The following TEK variants were observed in gnomAD, a reference collection of about 807,000 sequenced individuals.
TEK encodes TEK receptor tyrosine kinase, also known as angiopoietin-1 receptor.
A neutral mutation model predicts 131.8 loss-of-function variants in TEK; 43 were observed. The ratio of observed to expected loss-of-function variants is 0.33; its 90% confidence interval spans 0.26 to 0.42. The LOEUF (loss-of-function observed/expected upper bound fraction) is 0.42. Ranked by LOEUF, TEK falls within the 10% of genes least tolerant of loss-of-function variation. TEK has a pLI of 1.00. For synonymous variants in TEK, 580 were observed against 491.6 expected (o/e 1.18, Z -2.38); for missense variants, 1,162 against 1,384.4 (o/e 0.84, Z 2.55).
At chr9:27,186,950 T>G (rs763054379) in intron 9 of TEK, among the ~76,000 whole-genome samples, 7 of 152,194 alleles carry the variant, frequency 4.6e-5, no homozygotes, top group African/African-American at 1.7e-4. Context: ...CTTTTGGTTA[T>G]AGGAAAGAGC....
intron 2 of TEK, among the ~76,000 whole-genome samples, chr9:27,158,677 G>GGT (rs1823432531): frequency 7.0e-6 from 1 of 142,838 alleles, no homozygotes; most frequent in Non-Finnish European, 1.5e-5. Flanking sequence ...TTTTTTTTTG[G>GGT]GGGGGTGGAG....
intron 1 of TEK, among the ~76,000 whole-genome samples, chr9:27,125,533 TA>T (rs1821955232): frequency 6.6e-6 from 1 of 152,162 alleles, no homozygotes; most frequent in African/African-American, 2.4e-5. Context: ...CTTTTCACCT[TA>T]TGCCCAGGCA....
In TEK at chr9:27,172,578, C is replaced by T. The variant is rs77699587; in HGVS notation, c.629-38C>T. The T allele has an allele frequency of 2.0e-3, 3,251 of 1,611,330 alleles. 51 individuals are homozygous for T. The African/African-American group carries it at 0.037, about 18-fold the overall frequency. On this transcript the variant is annotated intron_variant, in intron 4 of 22. Coordinates refer to ENST00000380036, the MANE Select transcript of TEK (RefSeq NM_000459.5). ...TCAATAAAGATGTGTTGAGCGAATG[C>T]GCTCTACTCACCACAGCCTTGTTTT... is the stretch of plus-strand genomic sequence containing the variant.
rs2273719 is a variant in TEK at position 27,220,068 on chromosome 9, G to T, written c.3123G>T (p.Gly1041=). ...TTCCAGGAGGCACACCCTACTGCGG[G>T]ATGACTTGTGCAGAACTCTACGAGA... The part of the protein sequence containing the change: ...IVSLGGTPYC[G]MTCAELYEKL... Residue 1041 remains glycine (G), a synonymous_variant, in exon 21 of 23, where the codon GGG becomes GGT. Transcript: ENST00000380036. 6.2e-7 allele frequency: 1 copy of T among 1,613,834 alleles called. No individual in the cohort carries two copies. The highest frequency in any genetic ancestry group is 1.1e-5 in the South Asian group (1 of 91,076).
At chr9:27,159,752 G>T (rs1201295826) in intron 2 of TEK, among the ~76,000 whole-genome samples, 3 of 152,132 alleles carry the variant, frequency 2.0e-5, no homozygotes, top group African/African-American at 7.2e-5. Context: ...GTATTATAAG[G>T]TTCCAGTCCT....
chr9:27,222,736 C>G lies in TEK; in HGVS notation c.3200+2591C>G, dbSNP rs567976343. On this transcript the variant is annotated intron_variant, in intron 21 of 22. Transcript: ENST00000380036. Reference sequence around the variant, plus strand: ...AGCACTCAACATGGAAAGGAAAACCCGGTACCAGCCACTGCAAGAACATAC... The same window carrying G: ...AGCACTCAACATGGAAAGGAAAACCGGGTACCAGCCACTGCAAGAACATAC... Among the ~76,000 whole-genome samples, 107 of 152,236 alleles carry G rather than the reference C, an allele frequency of 7.0e-4. 2 individuals are homozygous for G. The South Asian group carries it at 0.012, about 17-fold the overall frequency.
chr9:27,155,779 A>G (rs993875308), intron 1 of TEK, among the ~76,000 whole-genome samples: 1 of 149,790 alleles, frequency 6.7e-6, no homozygotes, highest in Non-Finnish European at 1.5e-5. Flanking sequence ...ACAGTTAAAT[A>G]TGGGCAAGGA....
At chr9:27,139,455 G>A (rs1482690873) in intron 1 of TEK, among the ~76,000 whole-genome samples, 1 of 149,844 alleles carries the variant, frequency 6.7e-6, no homozygotes, top group East Asian at 2.0e-4. Context: ...CTCCCGAGTA[G>A]CTGGGATTAC....
At chr9:27,144,009 C>T (rs910673533) in intron 1 of TEK, among the ~76,000 whole-genome samples, 14 of 152,150 alleles carry the variant, frequency 9.2e-5, no homozygotes, top group African/African-American at 2.9e-4. Flanking sequence ...AGAGGTTGGG[C>T]GCGGTGGCTT....
At chr9:27,221,802 G>T (rs574080003) in intron 21 of TEK, among the ~76,000 whole-genome samples, 1 of 152,162 alleles carries the variant, frequency 6.6e-6, no homozygotes, top group Non-Finnish European at 1.5e-5. Flanking sequence ...GTGCAAAACC[G>T]CTGAAAATTC....
chr9:27,133,843 G>A (rs1297950348), intron 1 of TEK, among the ~76,000 whole-genome samples: 1 of 152,150 alleles, frequency 6.6e-6, no homozygotes, highest in Non-Finnish European at 1.5e-5. Context: ...TTGGTAAAAC[G>A]ATGCCTCTGC....
At chr9:27,191,956 A>C (rs1824839133) in intron 10 of TEK, 2 of 455,740 alleles carry the variant, frequency 4.4e-6, no homozygotes, top group Non-Finnish European at 8.8e-6. Context: ...AGGCTGACTA[A>C]AGCAAATAGG....
intron 3 of TEK, among the ~76,000 whole-genome samples, chr9:27,168,924 G>A (rs1295605730): frequency 1.3e-5 from 2 of 152,180 alleles, no homozygotes; most frequent in Admixed American, 6.5e-5. Flanking sequence ...TGATTGCAAG[G>A]TTTAGGAAAT....
intron 16 of TEK, among the ~76,000 whole-genome samples, chr9:27,209,681 T>C (rs1048726282): frequency 1.3e-5 from 2 of 152,240 alleles, no homozygotes; most frequent in African/African-American, 4.8e-5. Context: ...GATGGTTGGA[T>C]TTTAAAAATA....
At chr9:27,157,732 C>T (rs1048511747) in intron 1 of TEK, 99 bp from the exon 2 acceptor site, 29 of 1,376,842 alleles carry the variant, frequency 2.1e-5, no homozygotes, top group Non-Finnish European at 2.8e-5. Flanking sequence ...AGAAAGAATC[C>T]TCACACAACT....
chr9:27,169,326 A>C, intron 3 of TEK, 151 bp from the exon 4 acceptor site: 1 of 1,011,250 alleles, frequency 9.9e-7, no homozygotes, highest in Non-Finnish European at 1.5e-6. Context: ...AGTACTGAAT[A>C]GTTCAGCATT....
intron 4 of TEK, among the ~76,000 whole-genome samples, chr9:27,170,402 GC>G (rs2131144400): frequency 6.6e-6 from 1 of 152,140 alleles, no homozygotes; most frequent in African/African-American, 2.4e-5. Context: ...ACTTTGAGAG[GC>G]CCTTTGAGCT....
intron 21 of TEK, among the ~76,000 whole-genome samples, chr9:27,220,977 G>A (rs1243462572): frequency 4.6e-5 from 7 of 152,214 alleles, no homozygotes; most frequent in African/African-American, 1.7e-4. Flanking sequence ...GAGCCAAGTG[G>A]TCTAGCTCAG....
chr9:27,126,596 T>G (rs994500856), intron 1 of TEK, among the ~76,000 whole-genome samples: 1 of 152,136 alleles, frequency 6.6e-6, no homozygotes, highest in African/African-American at 2.4e-5. Context: ...ACTATGCAAG[T>G]CAGACTGCAA....
Sources: gnomAD v4.1 joint callset for allele counts (sites outside exome capture counted in the v4.1 genomes callset) on GRCh38, gnomAD v4.1.1 for gene constraint, MANE v1.5 for transcripts, NCBI Gene and HGNC (gene_info 2026-07-23, HGNC 2026-07-21) for gene names.